The following PHKB variants were observed in gnomAD, a reference collection of about 807,000 sequenced individuals.
PHKB encodes the protein phosphorylase kinase regulatory subunit beta.
PHKB carries 122 observed loss-of-function variants against 152.1 expected under a neutral mutation model. That is an observed-to-expected ratio of 0.80 (90% CI 0.69 to 0.93). The LOEUF is 0.93. PHKB is among the 40% of genes least tolerant of loss of function. PHKB has a pLI of 0.00. For synonymous variants in PHKB, 436 were observed against 464.9 expected, an observed-to-expected ratio of 0.94 and a Z score of 0.80; for missense variants, 1,304 against 1,328.4, an observed-to-expected ratio of 0.98 and a Z score of 0.29.
In PHKB at chr16:47,641,062, C is replaced by A; in HGVS notation, c.1486C>A (p.His496Asn). Reference sequence around the variant, plus strand: ...CCCACTGGAAAATGACTTGGTAGTTCATGTGGCACTTATAGCAGAAAGCCA... The same window carrying A: ...CCCACTGGAAAATGACTTGGTAGTTAATGTGGCACTTATAGCAGAAAGCCA... ...QGPLENDLVV[H>N]VALIAESQRL... Residue 496 changes from histidine to asparagine, a missense_variant, in exon 15 of 31, where the codon CAT becomes AAT. His to Asn is a moderately conservative substitution (Grantham distance 68, BLOSUM62 1). Coordinates refer to ENST00000323584, the MANE Select transcript of PHKB (RefSeq NM_000293.3). 6.2e-7 allele frequency: 1 copy of A among 1,613,882 alleles called. No homozygotes were observed. The highest frequency in any genetic ancestry group is 8.5e-7 in the Non-Finnish European group (1 of 1,179,946).
chr16:47,633,999 A>T (rs766204722), intron 14 of PHKB, among the ~76,000 whole-genome samples: 4 of 152,186 alleles, frequency 2.6e-5, no homozygotes, highest in Admixed American at 6.5e-5. Context: ...TGGAGCAGAA[A>T]GCTGAAGAAG....
rs1166925640 is a variant in PHKB, at chr16:47,505,736, C to T, written c.405+2646C>T. ...CATACAAACATATTGTTTTAATTTG[C>T]ACTTGAAAATAATAGGCCAGGCATG... On this transcript the variant is annotated intron_variant, in intron 4 of 30. Coordinates refer to ENST00000323584, the MANE Select transcript of PHKB (RefSeq NM_000293.3). Among the ~76,000 whole-genome samples the T allele has an allele frequency of 4.6e-5, 7 of 151,876 alleles. 1 individual carries two copies. Among genetic ancestry groups the T allele is most frequent in the Admixed American group, 3.9e-4 (6 of 15,248 alleles).
intron 26 of PHKB, among the ~76,000 whole-genome samples, chr16:47,669,962 A>G (rs959991918): frequency 6.6e-6 from 1 of 152,224 alleles, no homozygotes; most frequent in African/African-American, 2.4e-5. Context: ...TGTAGGAAAA[A>G]TTAACCAGGC....
At chr16:47,569,986 G>A (rs942789226) in intron 7 of PHKB, among the ~76,000 whole-genome samples, 1 of 152,184 alleles carries the variant, frequency 6.6e-6, no homozygotes, top group South Asian at 2.1e-4. Context: ...GCCTACTGGT[G>A]ACGGATTCCC....
chr16:47,461,628 T>A (rs1314089198), intron 1 of PHKB, among the ~76,000 whole-genome samples: 1 of 152,202 alleles, frequency 6.6e-6, no homozygotes, highest in Non-Finnish European at 1.5e-5. Flanking sequence ...AGCTCCACTC[T>A]GCGTGTGCCC....
At chr16:47,627,048 C>T (rs1972723374) in intron 14 of PHKB, among the ~76,000 whole-genome samples, 1 of 152,152 alleles carries the variant, frequency 6.6e-6, no homozygotes, top group African/African-American at 2.4e-5. Flanking sequence ...CCACTAGGGA[C>T]CTTTCTTTGC....
chr16:47,647,579 G>A (rs1157530832), intron 16 of PHKB, among the ~76,000 whole-genome samples: 2 of 150,988 alleles, frequency 1.3e-5, no homozygotes, highest in African/African-American at 4.9e-5. Context: ...CTCACTGCAA[G>A]TTCTGCCTCC....
chr16:47,493,598 A>G (rs2151639908), intron 1 of PHKB, among the ~76,000 whole-genome samples: 1 of 152,280 alleles, frequency 6.6e-6, no homozygotes, highest in South Asian at 2.1e-4. Flanking sequence ...AAGGTGGGTC[A>G]CCCTTTAAGG....
At chr16:47,590,271 A>G (rs1348709929) in intron 10 of PHKB, 3 of 149,324 alleles carry the variant, frequency 2.0e-5, no homozygotes, top group African/African-American at 7.5e-5. Context: ...GCTATTTATC[A>G]TTTTATTTAA....
chr16:47,691,809 G>C (rs1974065709), intron 27 of PHKB, among the ~76,000 whole-genome samples: 1 of 151,990 alleles, frequency 6.6e-6, no homozygotes, highest in African/African-American at 2.4e-5. Flanking sequence ...AAAATGAAAA[G>C]ACAAAAAATA....
chr16:47,673,316 T>G (rs1442011309), intron 26 of PHKB, among the ~76,000 whole-genome samples: 3 of 152,098 alleles, frequency 2.0e-5, no homozygotes, highest in Non-Finnish European at 4.4e-5. Flanking sequence ...GCTAGTAATG[T>G]GGAATTTAGG....
chr16:47,601,424 G>A (rs946794904), intron 13 of PHKB, among the ~76,000 whole-genome samples: 6 of 151,942 alleles, frequency 3.9e-5, no homozygotes, highest in African/African-American at 1.5e-4. Context: ...TGACTTCTAG[G>A]GCCAGGTGTG....
intron 26 of PHKB, among the ~76,000 whole-genome samples, chr16:47,683,640 C>T (rs1001620818): frequency 3.3e-5 from 5 of 152,166 alleles, no homozygotes; most frequent in Non-Finnish European, 5.9e-5. Context: ...GGGAGTGACC[C>T]GATTTTCCAG....
intron 20 of PHKB, among the ~76,000 whole-genome samples, chr16:47,652,141 A>G (rs1973248950): frequency 6.6e-6 from 1 of 151,680 alleles, no homozygotes; most frequent in Non-Finnish European, 1.5e-5. Context: ...TTCTTTAGCT[A>G]TTTATTCATT....
intron 26 of PHKB, among the ~76,000 whole-genome samples, chr16:47,674,310 A>C (rs185186456): frequency 6.6e-6 from 1 of 152,302 alleles, no homozygotes; most frequent in East Asian, 1.9e-4. Context: ...AGAAAATGGG[A>C]TGATTCTAAG....
intron 10 of PHKB, among the ~76,000 whole-genome samples, chr16:47,593,085 CTG>C (rs1972055905): frequency 7.7e-6 from 1 of 129,276 alleles, no homozygotes; most frequent in Non-Finnish European, 1.6e-5. Context: ...GACCACATCT[CTG>C]AGAAGAAAGA....
intron 16 of PHKB, among the ~76,000 whole-genome samples, chr16:47,642,540 T>C (rs544673791): frequency 6.6e-6 from 1 of 152,356 alleles, no homozygotes; most frequent in Non-Finnish European, 1.5e-5. Context: ...AGTAGAAGTC[T>C]TTGTAACAGT....
chr16:47,552,800 A>AACACACAC (rs61186489), intron 7 of PHKB, among the ~76,000 whole-genome samples: 5 of 143,500 alleles, frequency 3.5e-5, no homozygotes, highest in South Asian at 2.3e-4. Flanking sequence ...CCCCATCTCA[A>AACACACAC]ACACACACAC....
intron 1 of PHKB, chr16:47,463,374 A>G (rs1219462511): frequency 1.3e-5 from 2 of 157,478 alleles, no homozygotes; most frequent in Admixed American, 6.1e-5. Context: ...GTAAAGAGAT[A>G]CCACTTGAAG....
Sources: allele counts gnomAD v4.1 joint callset (sites outside exome capture counted in the v4.1 genomes callset), GRCh38; gene constraint gnomAD v4.1.1; transcripts MANE v1.5; gene names NCBI Gene and HGNC (gene_info 2026-07-23, HGNC 2026-07-21).